The following PPARGC1A variants were observed in gnomAD, a reference collection of about 807,000 sequenced individuals.
PPARGC1A encodes the protein peroxisome proliferator-activated receptor gamma coactivator 1-alpha.
A neutral mutation model predicts 88.7 loss-of-function variants in PPARGC1A; 25 were observed. The observed-to-expected ratio is 0.28, with a 90% CI of 0.21 to 0.39. The LOEUF (loss-of-function observed/expected upper bound fraction) is 0.39, where lower values mean the gene tolerates loss of function less well. Among genes scored for constraint, PPARGC1A ranks in the 10% least tolerant of loss-of-function variants. PPARGC1A has a pLI of 1.00. For synonymous variants in PPARGC1A, 363 were observed against 355.6 expected, an observed-to-expected ratio of 1.02 and a Z score of -0.24; for missense variants, 880 against 968.7, an observed-to-expected ratio of 0.91 and a Z score of 1.22.
chr4:23,832,197 T>C (rs920740760), intron 2 of PPARGC1A, among the ~76,000 whole-genome samples: 1 of 152,186 alleles, frequency 6.6e-6, no homozygotes, highest in African/African-American at 2.4e-5. Flanking sequence ...GACAGCTCTT[T>C]ATTTGAACAA....
the PPARGC1A span, among the ~76,000 whole-genome samples, chr4:23,922,419 C>T: frequency 1.3e-5 from 2 of 152,166 alleles, no homozygotes; most frequent in Non-Finnish European, 2.9e-5. Context: ...TCCTTTCTTT[C>T]CCCCAGAAAT....
At chr4:24,035,627 G>C in the PPARGC1A span, among the ~76,000 whole-genome samples, 1 of 151,856 alleles carries the variant, frequency 6.6e-6, no homozygotes, top group African/African-American at 2.4e-5. Flanking sequence ...TGTAGGTAGA[G>C]CTTCATATAG....
At chr4:23,943,822 C>T in the PPARGC1A span, among the ~76,000 whole-genome samples, 6 of 152,126 alleles carry the variant, frequency 3.9e-5, no homozygotes, top group African/African-American at 1.4e-4. Flanking sequence ...AGCATTTCAC[C>T]TCTGTGGCCT....
the PPARGC1A span, among the ~76,000 whole-genome samples, chr4:23,954,572 A>C: frequency 6.6e-6 from 1 of 152,086 alleles, no homozygotes; most frequent in African/African-American, 2.4e-5. Flanking sequence ...TAATTTTAGC[A>C]TAATTCTTAT....
the PPARGC1A span, among the ~76,000 whole-genome samples, chr4:24,421,624 T>C: frequency 6.7e-4 from 102 of 152,320 alleles, no homozygotes; most frequent in East Asian, 0.016. Flanking sequence ...AGTTTACATT[T>C]GATCCAACAA....
At chr4:24,190,785 CAA>C in the PPARGC1A span, among the ~76,000 whole-genome samples, 204 of 152,290 alleles carry the variant, frequency 1.3e-3, 2 homozygotes, top group African/African-American at 4.1e-3. Context: ...GAAATAGAGG[CAA>C]ACTCCAGCCA....
At chr4:23,878,883 A>C (rs1349977133) in intron 2 of PPARGC1A, among the ~76,000 whole-genome samples, 2 of 152,228 alleles carry the variant, frequency 1.3e-5, no homozygotes, top group African/African-American at 2.4e-5. Context: ...AAAATACTCC[A>C]TAAGTCTCCA....
the PPARGC1A span, among the ~76,000 whole-genome samples, chr4:24,416,467 A>T: frequency 6.6e-6 from 1 of 152,190 alleles, no homozygotes; most frequent in Non-Finnish European, 1.5e-5. Context: ...GAATTAGGGC[A>T]TAGGCAGTGG....
the PPARGC1A span, among the ~76,000 whole-genome samples, chr4:24,283,983 T>C: frequency 1.3e-5 from 2 of 151,998 alleles, no homozygotes; most frequent in Non-Finnish European, 2.9e-5. Context: ...GGAGGCTACT[T>C]AAAAGGCATA....
chr4:24,125,708 T>A, the PPARGC1A span, among the ~76,000 whole-genome samples: 1 of 152,144 alleles, frequency 6.6e-6, no homozygotes, highest in Non-Finnish European at 1.5e-5. Flanking sequence ...TAGAGGTTCA[T>A]GTAAGAGTTG....
At chr4:24,071,496 CTTTT>C in the PPARGC1A span, among the ~76,000 whole-genome samples, 987 of 151,156 alleles carry the variant, frequency 6.5e-3, 32 homozygotes, top group East Asian at 0.12. Flanking sequence ...AAATTGCATG[CTTTT>C]TTTTTCTGCC....
chr4:23,812,930 A>G, intron 9 of PPARGC1A, 63 bp from the exon 10 acceptor site: 1 of 1,613,188 alleles, frequency 6.2e-7, no homozygotes, highest in Non-Finnish European at 8.5e-7. Flanking sequence ...AATGAATAAT[A>G]ATATGGGGAG....
chr4:24,264,328 T>C, the PPARGC1A span, among the ~76,000 whole-genome samples: 1 of 151,906 alleles, frequency 6.6e-6, no homozygotes. Context: ...ATGTGAAGGG[T>C]GCACAGAGTC....
chr4:24,432,012 C>T, the PPARGC1A span, among the ~76,000 whole-genome samples: 1 of 152,070 alleles, frequency 6.6e-6, no homozygotes, highest in African/African-American at 2.4e-5. Context: ...ATGGTTATGG[C>T]TTCAGGGAAA....
chr4:24,159,620 G>A, the PPARGC1A span, among the ~76,000 whole-genome samples: 16 of 152,092 alleles, frequency 1.1e-4, no homozygotes, highest in Non-Finnish European at 2.2e-4. Context: ...TCCTATAATA[G>A]TTATTGTTAA....
At chr4:23,989,644 A>G in the PPARGC1A span, among the ~76,000 whole-genome samples, 1 of 152,074 alleles carries the variant, frequency 6.6e-6, no homozygotes, top group Non-Finnish European at 1.5e-5. Flanking sequence ...TACCACTGGC[A>G]TGGTTGTTGC....
the PPARGC1A span, among the ~76,000 whole-genome samples, chr4:23,973,646 C>T: frequency 2.6e-5 from 4 of 152,196 alleles, no homozygotes; most frequent in African/African-American, 4.8e-5. Context: ...AAATTTCACA[C>T]TCAATTTATT....
At chr4:24,337,226 C>T in the PPARGC1A span, among the ~76,000 whole-genome samples, 5 of 152,166 alleles carry the variant, frequency 3.3e-5, no homozygotes, top group East Asian at 1.9e-4. Context: ...TGACTCTCAC[C>T]GCCCCACCCA....
chr4:23,792,131 A>G lies in PPARGC1A; in HGVS notation c.*3691T>C, dbSNP rs543408932. On this transcript the variant is annotated 3_prime_UTR_variant, in exon 13 of 13. Coordinates refer to ENST00000264867, the MANE Select transcript of PPARGC1A (RefSeq NM_013261.5). ...ACAATGAATAAAACCACAACAATAC[A>G]TGTAGAATTGGCAGGTGGAAAAAAG... 6.6e-6 allele frequency: 1 copy of G among 152,610 alleles called. No homozygotes were observed. The highest frequency in any genetic ancestry group is 2.4e-5 in the African/African-American group (1 of 41,454). The allele number at this position is 152,610 out of a possible 1,614,324, so 9.5% of individuals were successfully genotyped here.
Sources: gnomAD v4.1 joint callset for allele counts (sites outside exome capture counted in the v4.1 genomes callset) on GRCh38, gnomAD v4.1.1 for gene constraint, MANE v1.5 for transcripts, NCBI Gene and HGNC (gene_info 2026-07-23, HGNC 2026-07-21) for gene names.